RANBP1: variants seen among roughly 807,000 people sequenced by gnomAD.
RANBP1 encodes the protein ran-specific GTPase-activating protein.
In RANBP1, 16 loss-of-function variants were observed where a neutral mutation model predicts 31.4. The ratio of observed to expected loss-of-function variants is 0.51; its 90% CI spans 0.34 to 0.77. The LOEUF (loss-of-function observed/expected upper bound fraction) is 0.77. Ranked by LOEUF, RANBP1 falls within the 30% of genes least tolerant of loss-of-function variation. The probability of loss-of-function intolerance (pLI) is 0.01; values close to 1 mark genes in which losing one functional copy is unlikely to be tolerated. For synonymous variants in RANBP1, 129 were observed against 140.5 expected, an observed-to-expected ratio of 0.92 and a Z score of 0.58; for missense variants, 265 against 362.0, an observed-to-expected ratio of 0.73 and a Z score of 2.17.
chr22:20,116,496 A>C (rs749376918), intron 1 of RANBP1, 66 bp downstream of exon 1: 1 of 1,612,714 alleles, frequency 6.2e-7, no homozygotes, highest in African/African-American at 1.3e-5. Context: ...TAGCCGCCCC[A>C]GCGCCCTCTT....
chr22:20,117,544 A>G (rs1568977465), intron 1 of RANBP1: 3 of 1,250,424 alleles, frequency 2.4e-6, no homozygotes, highest in Non-Finnish European at 3.1e-6. Context: ...GGCGGGCGGG[A>G]GGCGCCGGCG....
intron 2 of RANBP1, chr22:20,119,666 C>T (rs2050133296): frequency 6.4e-6 from 1 of 157,076 alleles, no homozygotes; most frequent in African/African-American, 2.4e-5. Flanking sequence ...CAGGCACCCG[C>T]CACCACGCCC....
At chr22:20,122,586 C>T in intron 3 of RANBP1, 165 bp downstream of exon 3, 1 of 1,538,826 alleles carries the variant, frequency 6.5e-7, no homozygotes, top group South Asian at 1.2e-5. Flanking sequence ...TCAGACGTGC[C>T]TCTGAACTCA....
intron 1 of RANBP1, chr22:20,118,054 C>G: frequency 1.0e-6 from 1 of 995,346 alleles, no homozygotes; most frequent in Non-Finnish European, 1.2e-6. Flanking sequence ...CCACGCAGCA[C>G]TTCATTCATT....
chr22:20,126,859 G>T, intron 5 of RANBP1, 93 bp from the exon 6 acceptor site: 3 of 1,476,344 alleles, frequency 2.0e-6, no homozygotes, highest in Non-Finnish European at 2.8e-6. Context: ...AGCCGCTGTG[G>T]GTGGGTGACG....
At chr22:20,117,511 G>T in intron 1 of RANBP1, 1 of 1,302,206 alleles carries the variant, frequency 7.7e-7, no homozygotes, top group Non-Finnish European at 9.8e-7. Context: ...CGAGGTTCGG[G>T]TCGTGGGGCG....
At chr22:20,120,728 T>G (rs907636500) in intron 2 of RANBP1, among the ~76,000 whole-genome samples, 1 of 152,228 alleles carries the variant, frequency 6.6e-6, no homozygotes, top group African/African-American at 2.4e-5. Context: ...GGGCCTCTTC[T>G]CTGGGTCATC....
chr22:20,116,469 C>T (rs781458195), intron 1 of RANBP1, 39 bp downstream of exon 1: 9 of 1,612,774 alleles, frequency 5.6e-6, no homozygotes, highest in African/African-American at 1.3e-5. Context: ...AGAGCCCGGG[C>T]TGAGGCCCCG....
chr22:20,125,302 CTT>C lies in RANBP1; in HGVS notation c.542-5_542-4del. The C allele has an allele frequency of 6.2e-7, 1 of 1,611,568 alleles. No individual in the cohort carries two copies. Among genetic ancestry groups the C allele is most frequent in the Non-Finnish European group, 8.5e-7 (1 of 1,179,856 alleles). On this transcript the variant is annotated splice_polypyrimidine_tract_variant and splice_region_variant and intron_variant, in intron 3 of 5. Coordinates refer to ENST00000430524, the MANE Select transcript of RANBP1 (RefSeq NM_001278639.2). ...TCACCATCTTCACGAGCTTCTCTCT[CTT>C]CAGTCACGCCGATGATGGAGCTGAA... is the stretch of plus-strand genomic sequence containing the variant.
At chr22:20,119,420 C>T (rs1330189986) in intron 2 of RANBP1, 3 of 427,702 alleles carry the variant, frequency 7.0e-6, no homozygotes, top group African/African-American at 6.0e-5. Context: ...TTTTTTGCCA[C>T]TGGCTTCTGA....
intron 1 of RANBP1, chr22:20,117,042 C>T (rs2050048638): frequency 1.7e-5 from 20 of 1,184,006 alleles, no homozygotes; most frequent in African/African-American, 3.1e-5. Context: ...GCCGGTGCAA[C>T]GCCGCGAGGT....
intron 2 of RANBP1, among the ~76,000 whole-genome samples, chr22:20,121,056 C>T (rs939125813): frequency 2.4e-4 from 36 of 151,860 alleles, no homozygotes; most frequent in African/African-American, 8.7e-4. Flanking sequence ...CAGGTTCAAG[C>T]AATTTTCCTG....
intron 5 of RANBP1, 128 bp downstream of exon 5, chr22:20,126,496 C>G: frequency 6.3e-7 from 1 of 1,594,722 alleles, no homozygotes; most frequent in South Asian, 1.1e-5. Context: ...CTCACGTATC[C>G]AGAGTGATGC....
chr22:20,118,905 T>C, intron 1 of RANBP1, 108 bp from the exon 2 acceptor site: 1 of 1,186,706 alleles, frequency 8.4e-7, no homozygotes, highest in South Asian at 1.5e-5. Context: ...CATCCTTGTA[T>C]CTGAAGTCCC....
intron 3 of RANBP1, chr22:20,122,774 G>T (rs1198846492): frequency 1.0e-5 from 7 of 667,444 alleles, no homozygotes; most frequent in Non-Finnish European, 1.1e-5. Context: ...GTGTCTGGGG[G>T]GTGGGGGTTG....
intron 4 of RANBP1, 40 bp downstream of exon 4, chr22:20,125,476 C>T (rs543012486): frequency 3.2e-6 from 5 of 1,574,576 alleles, no homozygotes; most frequent in Admixed American, 3.7e-5. Flanking sequence ...ACTTGGGGCT[C>T]ACCTGCGTGG....
At chr22:20,122,113 T>G (rs997763168) in intron 2 of RANBP1, 151 bp from the exon 3 acceptor site, 88 of 744,144 alleles carry the variant, frequency 1.2e-4, no homozygotes, top group Admixed American at 4.6e-4. Flanking sequence ...TCTGGTGGTG[T>G]TGTGACGGGC....
intron 3 of RANBP1, chr22:20,125,057 C>T (rs2050266209): frequency 2.1e-6 from 1 of 479,716 alleles, no homozygotes; most frequent in Non-Finnish European, 3.8e-6. Context: ...GCCTTACGGT[C>T]AGGGAACAGG....
At chr22:20,116,742 A>AC in intron 1 of RANBP1, 1 of 1,360,748 alleles carries the variant, frequency 7.3e-7, no homozygotes, top group Admixed American at 2.2e-5. Flanking sequence ...CCCCCAGTCT[A>AC]CCCTCCCGAC....
Sources: gnomAD v4.1 joint callset for allele counts (sites outside exome capture counted in the v4.1 genomes callset) on GRCh38, gnomAD v4.1.1 for gene constraint, MANE v1.5 for transcripts, NCBI Gene and HGNC (gene_info 2026-07-23, HGNC 2026-07-21) for gene names.